PRKG2: variants seen among roughly 807,000 people sequenced by gnomAD.
PRKG2 encodes the protein protein kinase cGMP-dependent 2, also known as cGMP-dependent protein kinase 2.
A neutral mutation model predicts 97.2 loss-of-function variants in PRKG2; 33 were observed. That is an observed-to-expected ratio of 0.34 (90% confidence interval 0.26 to 0.45). The LOEUF is 0.45. Ranked by LOEUF, PRKG2 falls within the 20% of genes least tolerant of loss-of-function variation. The probability of loss-of-function intolerance (pLI) is 1.00; values close to 1 mark genes in which losing one functional copy is unlikely to be tolerated. For missense variants in PRKG2, 638 were observed against 900.0 expected, an observed-to-expected ratio of 0.71 and a Z score of 3.73; for synonymous variants, 330 against 321.8, an observed-to-expected ratio of 1.03 and a Z score of -0.27.
Position 81,089,481 on chromosome 4 carries a change from G to A in PRKG2, c.*227C>T, listed in dbSNP as rs1741337056. The A allele has an allele frequency of 5.0e-6, 2 of 403,958 alleles. No individual in the cohort carries two copies. The highest frequency in any genetic ancestry group is 8.7e-6 in the Non-Finnish European group (2 of 229,266). The allele number at this position is 403,958 out of a possible 1,614,324, so 25.0% of individuals were successfully genotyped here. On this transcript the variant is annotated 3_prime_UTR_variant, in exon 19 of 19. Transcript: ENST00000264399. ...GAAAATGGGGTAGCCTCTAGCAGTT[G>A]AGAAAAGCAAATAATGTAATACATC...
At chr4:81,188,450 T>G (rs1348958019) in intron 2 of PRKG2, among the ~76,000 whole-genome samples, 1 of 144,082 alleles carries the variant, frequency 6.9e-6, no homozygotes, top group Non-Finnish European at 1.5e-5. Flanking sequence ...TCAACCCCTG[T>G]GGAAGTCAGT....
chr4:81,156,645 C>A (rs1300319585), intron 6 of PRKG2, among the ~76,000 whole-genome samples: 1 of 152,120 alleles, frequency 6.6e-6, no homozygotes, highest in Non-Finnish European at 1.5e-5. Flanking sequence ...CAGCACCACG[C>A]CACACCTACT....
chr4:81,113,048 C>T (rs569849108), intron 14 of PRKG2, among the ~76,000 whole-genome samples: 1 of 152,166 alleles, frequency 6.6e-6, no homozygotes, highest in South Asian at 2.1e-4. Context: ...GCAGTCGTGC[C>T]ACCAAAAGGA....
chr4:81,099,528 A>T (rs1327778565), intron 17 of PRKG2, among the ~76,000 whole-genome samples: 1 of 152,038 alleles, frequency 6.6e-6, no homozygotes, highest in African/African-American at 2.4e-5. Context: ...CATGCTAAAA[A>T]CTCTCAATAA....
chr4:81,203,424 T>C (rs1372572934), intron 2 of PRKG2, among the ~76,000 whole-genome samples: 1 of 152,192 alleles, frequency 6.6e-6, no homozygotes, highest in Non-Finnish European at 1.5e-5. Flanking sequence ...AACCTCCCTT[T>C]ATAATTCTGT....
intron 13 of PRKG2, 31 bp downstream of exon 13, chr4:81,137,362 C>G (rs1746811973): frequency 6.8e-7 from 1 of 1,475,700 alleles, no homozygotes; most frequent in Admixed American, 1.7e-5. Flanking sequence ...AGCCCTTAGG[C>G]CAGATGTGAG....
intron 2 of PRKG2, among the ~76,000 whole-genome samples, chr4:81,199,999 C>G (rs547593137): frequency 6.6e-6 from 1 of 152,302 alleles, no homozygotes; most frequent in African/African-American, 2.4e-5. Flanking sequence ...GCATCCCTAG[C>G]AAAATGCAGT....
chr4:81,205,156 A>G (rs1753578383), intron 1 of PRKG2, 96 bp from the exon 2 acceptor site: 2 of 769,446 alleles, frequency 2.6e-6, no homozygotes. Flanking sequence ...ATAAATAGGA[A>G]CACAGTAATC....
intron 10 of PRKG2, 106 bp from the exon 11 acceptor site, chr4:81,143,053 T>A: frequency 7.4e-7 from 1 of 1,358,838 alleles, no homozygotes; most frequent in Non-Finnish European, 9.7e-7. Context: ...GCTGTAACTA[T>A]GATTTATAGT....
intron 14 of PRKG2, among the ~76,000 whole-genome samples, chr4:81,115,087 C>T (rs1744379255): frequency 6.6e-6 from 1 of 151,920 alleles, no homozygotes; most frequent in Admixed American, 6.6e-5. Flanking sequence ...TGCAAAAATG[C>T]TTCTATTAAC....
At chr4:81,207,207 G>T (rs1461432975) in intron 1 of PRKG2, among the ~76,000 whole-genome samples, 1 of 152,080 alleles carries the variant, frequency 6.6e-6, no homozygotes, top group African/African-American at 2.4e-5. Context: ...CATAAGAAAG[G>T]TGCTCCAAAA....
intron 1 of PRKG2, among the ~76,000 whole-genome samples, chr4:81,211,897 G>C (rs540620300): frequency 6.6e-6 from 1 of 152,312 alleles, no homozygotes; most frequent in South Asian, 2.1e-4. Flanking sequence ...CTGGAAATCA[G>C]AGGAGTGAAT....
intron 18 of PRKG2, 22 bp from the exon 19 acceptor site, chr4:81,089,825 C>T: frequency 6.5e-7 from 1 of 1,547,364 alleles, no homozygotes; most frequent in Non-Finnish European, 8.9e-7. Flanking sequence ...ATAATTAAAA[C>T]AAAAGGAAGA....
intron 6 of PRKG2, among the ~76,000 whole-genome samples, chr4:81,164,201 T>G (rs575328545): frequency 5.9e-5 from 9 of 152,110 alleles, no homozygotes. Flanking sequence ...AAAGAGCTCA[T>G]AGAGATATGG....
rs1160086299 is a variant in PRKG2 at position 81,087,538 on chromosome 4, C to CGTCTA, written c.*2165_*2169dup. On this transcript the variant is annotated 3_prime_UTR_variant, in exon 19 of 19. Transcript: ENST00000264399. ...TAATAGAGACAGTAACAGTAGCTCCCGTCTATGCAGCAATGGTTATTTCAC... is the reference window on the plus strand; with the variant it reads ...TAATAGAGACAGTAACAGTAGCTCCCGTCTAGTCTATGCAGCAATGGTTATTTCAC... 1 of 152,064 alleles carries CGTCTA rather than the reference C, an allele frequency of 6.6e-6. No individual in the cohort carries two copies. Among genetic ancestry groups the CGTCTA allele is most frequent in the African/African-American group, 2.4e-5 (1 of 41,430 alleles). The allele number at this position is 152,064 out of a possible 1,614,324, so 9.4% of individuals were successfully genotyped here.
chr4:81,089,841 G>C (rs1181690041), intron 18 of PRKG2, 38 bp from the exon 19 acceptor site: 1 of 1,503,188 alleles, frequency 6.7e-7, no homozygotes, highest in South Asian at 1.1e-5. Flanking sequence ...GAAGAATAAT[G>C]TTGACCAAGC....
At position 81,174,683 on chromosome 4, in the gene PRKG2, TTA is replaced by T. The variant is rs1334368139; in HGVS notation, c.628+108_628+109del. 36 of 1,121,620 alleles carry T rather than the reference TTA, an allele frequency of 3.2e-5. No individual in the cohort carries two copies. The East Asian group carries it at 8.3e-4, about 26-fold the overall frequency. The allele number at this position is 1,121,620 out of a possible 1,614,324, so 69.5% of individuals were successfully genotyped here. ...TTTTGCTATTTCATGATTCAATATG[TTA>T]TGTTTTCTACAAATAGAGCAACCAG... On this transcript the variant is annotated intron_variant, in intron 3 of 18. Transcript: ENST00000264399.
chr4:81,133,053 G>C (rs10857207), intron 14 of PRKG2, among the ~76,000 whole-genome samples: 29,383 of 151,800 alleles, frequency 0.19, 3,406 homozygotes, highest in East Asian at 0.45. Flanking sequence ...CCTGAGTTGA[G>C]AGTATATTCT....
At chr4:81,090,455 T>C (rs777828544) in intron 18 of PRKG2, among the ~76,000 whole-genome samples, 4 of 152,138 alleles carry the variant, frequency 2.6e-5, no homozygotes, top group African/African-American at 7.2e-5. Flanking sequence ...TTCCATTATA[T>C]AAGTTTCTCA....
Sources: allele counts gnomAD v4.1 joint callset (sites outside exome capture counted in the v4.1 genomes callset), GRCh38; gene constraint gnomAD v4.1.1; transcripts MANE v1.5; gene names NCBI Gene and HGNC (gene_info 2026-07-23, HGNC 2026-07-21).